ZMAT4: variants seen among roughly 807,000 people sequenced by gnomAD.
ZMAT4 encodes zinc finger matrin-type 4.
ZMAT4 carries 17 observed loss-of-function variants against 28.7 expected under a neutral mutation model. The observed-to-expected ratio is 0.59, with a 90% confidence interval of 0.41 to 0.89. ZMAT4 has a LOEUF of 0.89. Ranked by LOEUF, ZMAT4 falls within the 40% of genes least tolerant of loss-of-function variation. The pLI is 0.00. For missense variants in ZMAT4, 240 were observed against 283.8 expected, an observed-to-expected ratio of 0.85 and a Z score of 1.11; for synonymous variants, 117 against 109.2, an observed-to-expected ratio of 1.07 and a Z score of -0.44.
intron 1 of ZMAT4, among the ~76,000 whole-genome samples, chr8:40,865,710 A>C (rs1325005899): frequency 6.6e-6 from 1 of 152,220 alleles, no homozygotes; most frequent in Non-Finnish European, 1.5e-5. Context: ...CTGCAATCAC[A>C]CAGCCTCAGT....
chr8:40,686,805 T>C (rs1809429043), intron 4 of ZMAT4, among the ~76,000 whole-genome samples: 1 of 151,934 alleles, frequency 6.6e-6, no homozygotes, highest in Non-Finnish European at 1.5e-5. Flanking sequence ...GGGCCAGTGG[T>C]TCAATTTCAC....
At chr8:40,575,631 T>C (rs756281498) in intron 6 of ZMAT4, among the ~76,000 whole-genome samples, 4 of 151,850 alleles carry the variant, frequency 2.6e-5, no homozygotes, top group Admixed American at 1.3e-4. Context: ...CACTCTATTC[T>C]ACTGAGACTC....
intron 1 of ZMAT4, among the ~76,000 whole-genome samples, chr8:40,881,621 G>A (rs1382330347): frequency 3.3e-5 from 5 of 150,774 alleles, no homozygotes; most frequent in Admixed American, 6.6e-5. Context: ...AAGAGAGAGA[G>A]AAAGAAAGAA....
chr8:40,576,466 C>T (rs759430413), intron 6 of ZMAT4, among the ~76,000 whole-genome samples: 3 of 151,316 alleles, frequency 2.0e-5, no homozygotes, highest in Non-Finnish European at 4.4e-5. Flanking sequence ...AGACTAACAA[C>T]CGATTTATTA....
At position 40,818,842 on chromosome 8, in the gene ZMAT4, A is replaced by G. The variant is rs75825654; in HGVS notation, c.102+6733T>C. On this transcript the variant is annotated intron_variant, in intron 2 of 6. Transcript: ENST00000297737. ...TTAGCCCGCATGCTTACTTCGGGCT[A>G]TTAGAAAAAAGAAAAAGCAAAGGTA... Among the ~76,000 whole-genome samples the G allele has an allele frequency of 6.8e-4, 104 of 152,358 alleles. No homozygotes were observed. In the East Asian group the frequency reaches 0.018, roughly 26 times the overall value.
chr8:40,562,724 A>C (rs1441913142), intron 6 of ZMAT4, among the ~76,000 whole-genome samples: 2 of 152,126 alleles, frequency 1.3e-5, no homozygotes, highest in Non-Finnish European at 2.9e-5. Flanking sequence ...CCTGATTGAC[A>C]AGCCATCTGT....
rs141632393 is a variant in ZMAT4 at position 40,865,119 on chromosome 8, C to T, written c.-5+32564G>A. ...TTTAAACGTACGCTTTTTGCACGGACATATCTCAGCAAAAGTGAGGGCTGA... is the reference window on the plus strand; with the variant it reads ...TTTAAACGTACGCTTTTTGCACGGATATATCTCAGCAAAAGTGAGGGCTGA... On this transcript the variant is annotated intron_variant, in intron 1 of 6. Coordinates refer to ENST00000297737, the MANE Select transcript of ZMAT4 (RefSeq NM_024645.3). 2.0e-4 allele frequency among the ~76,000 whole-genome samples: 31 copies of T among 152,228 alleles called. No homozygotes were observed. In the East Asian group the frequency reaches 5.8e-3, roughly 28 times the overall value.
chr8:40,876,666 A>T (rs997895403), intron 1 of ZMAT4, among the ~76,000 whole-genome samples: 2 of 152,210 alleles, frequency 1.3e-5, no homozygotes, highest in Non-Finnish European at 2.9e-5. Flanking sequence ...ACTTTATAAT[A>T]AGAAAACAGT....
intron 6 of ZMAT4, among the ~76,000 whole-genome samples, chr8:40,548,597 G>A (rs780165218): frequency 3.9e-5 from 6 of 152,152 alleles, no homozygotes; most frequent in Non-Finnish European, 8.8e-5. Context: ...GTTCTGCATG[G>A]CTGAGTCAAG....
At chr8:40,768,113 G>A (rs1452327557) in intron 2 of ZMAT4, among the ~76,000 whole-genome samples, 1 of 152,188 alleles carries the variant, frequency 6.6e-6, no homozygotes, top group Non-Finnish European at 1.5e-5. Context: ...TGCCCTCAGG[G>A]TCTGGGGACA....
rs367616733 is a variant in ZMAT4 at position 40,645,797 on chromosome 8, T to A, written c.577+28907A>T. Among the ~76,000 whole-genome samples, 281 of 152,246 alleles carry A rather than the reference T, an allele frequency of 1.8e-3. 1 individual carries two copies. Among genetic ancestry groups the A allele is most frequent in the African/African-American group, 6.3e-3 (260 of 41,562 alleles). ...CAAATGCATTAAAACCAAAATTATC[T>A]TTGAATAAACTTAAATCATCCATAA... is the stretch of plus-strand genomic sequence containing the variant. On this transcript the variant is annotated intron_variant, in intron 5 of 6. Coordinates refer to ENST00000297737, the MANE Select transcript of ZMAT4 (RefSeq NM_024645.3).
At chr8:40,802,690 T>G (rs1431567309) in intron 2 of ZMAT4, among the ~76,000 whole-genome samples, 1 of 152,134 alleles carries the variant, frequency 6.6e-6, no homozygotes, top group Non-Finnish European at 1.5e-5. Context: ...AAAAAGTTAT[T>G]TTGTGGATAA....
chr8:40,790,059 C>A (rs1335121217), intron 2 of ZMAT4, among the ~76,000 whole-genome samples: 3 of 152,178 alleles, frequency 2.0e-5, no homozygotes, highest in Non-Finnish European at 4.4e-5. Flanking sequence ...CCTCTCTTTT[C>A]CACCATGAAG....
At position 40,760,504 on chromosome 8, in the gene ZMAT4, A is replaced by G. The variant is rs191903580; in HGVS notation, c.192+7137T>C. Among the ~76,000 whole-genome samples the G allele has an allele frequency of 2.5e-3, 374 of 152,278 alleles. 7 individuals are homozygous for G. Among genetic ancestry groups the G allele is most frequent in the Admixed American group, 0.021 (317 of 15,298 alleles). ...TCACCAGAACCAGATTGGGGGTAGG[A>G]GAGCTAAGCAGCATCTTGGGTCACC... On this transcript the variant is annotated intron_variant, in intron 3 of 6. Coordinates refer to ENST00000297737, the MANE Select transcript of ZMAT4 (RefSeq NM_024645.3).
intron 3 of ZMAT4, among the ~76,000 whole-genome samples, chr8:40,732,904 G>A (rs1319925429): frequency 7.2e-6 from 1 of 138,218 alleles, no homozygotes; most frequent in Admixed American, 8.2e-5. Flanking sequence ...GGAATGCAGT[G>A]GCATGATCAT....
At chr8:40,622,552 TG>T (rs1806239574) in intron 5 of ZMAT4, among the ~76,000 whole-genome samples, 1 of 152,244 alleles carries the variant, frequency 6.6e-6, no homozygotes, top group Non-Finnish European at 1.5e-5. Flanking sequence ...GGATTATCTT[TG>T]TTTGTTTGCA....
chr8:40,587,269 G>A (rs576814087), intron 5 of ZMAT4, among the ~76,000 whole-genome samples: 1 of 152,190 alleles, frequency 6.6e-6, no homozygotes, highest in African/African-American at 2.4e-5. Context: ...CTACAGAAAT[G>A]CTATATAGAG....
At chr8:40,867,495 GTCC>G (rs1193140537) in intron 1 of ZMAT4, among the ~76,000 whole-genome samples, 4 of 152,076 alleles carry the variant, frequency 2.6e-5, no homozygotes, top group African/African-American at 9.7e-5. Flanking sequence ...TAGCTGCAGG[GTCC>G]TGCATGATCT....
chr8:40,730,355 T>G (rs1811484847), intron 3 of ZMAT4, among the ~76,000 whole-genome samples: 1 of 152,210 alleles, frequency 6.6e-6, no homozygotes. Context: ...ACAGGAAAAC[T>G]GTGATTGAAG....
Sources: gnomAD v4.1 joint callset for allele counts (sites outside exome capture counted in the v4.1 genomes callset) on GRCh38, gnomAD v4.1.1 for gene constraint, MANE v1.5 for transcripts, NCBI Gene and HGNC (gene_info 2026-07-23, HGNC 2026-07-21) for gene names.